Variants in DRC4 observed in about 807,000 individuals in gnomAD.
DRC4 encodes the protein GAS-11.
the DRC4 span, chr16:90,040,527 T>C: frequency 6.3e-7 from 1 of 1,576,702 alleles, no homozygotes; most frequent in Non-Finnish European, 8.6e-7. Flanking sequence ...CTAGACAGGC[T>C]CCTGACCCCA....
the DRC4 span, chr16:90,040,640 T>G: frequency 1.4e-6 from 1 of 691,342 alleles, no homozygotes; most frequent in Non-Finnish European, 2.3e-6. Context: ...CATTCATGGG[T>G]TTCCTGTGGC....
the DRC4 span, chr16:90,036,284 A>G: frequency 9.4e-7 from 1 of 1,064,050 alleles, no homozygotes; most frequent in Non-Finnish European, 1.4e-6. Flanking sequence ...TTCTGACCAC[A>G]GTGGGCGTTT....
the DRC4 span, among the ~76,000 whole-genome samples, chr16:90,026,115 T>G: frequency 6.6e-6 from 1 of 151,896 alleles, no homozygotes; most frequent in Non-Finnish European, 1.5e-5. Context: ...AGCAAGACTT[T>G]GTCTTTAAAA....
the DRC4 span, chr16:90,044,587 A>G: frequency 2.1e-6 from 1 of 471,098 alleles, no homozygotes. Context: ...GCCTGCCTTC[A>G]TCTGGTCCAG....
the DRC4 span, chr16:90,032,641 T>C: frequency 2.9e-5 from 40 of 1,363,094 alleles, no homozygotes; most frequent in Non-Finnish European, 4.0e-5. Flanking sequence ...GTGCTATGGG[T>C]GACCAGGTGT....
the DRC4 span, among the ~76,000 whole-genome samples, chr16:90,021,202 T>C: frequency 6.6e-6 from 1 of 152,242 alleles, no homozygotes; most frequent in Non-Finnish European, 1.5e-5. Flanking sequence ...CTCATCACAG[T>C]GGTTCTCAGA....
At chr16:90,035,617 G>T in the DRC4 span, 2 of 1,614,138 alleles carry the variant, frequency 1.2e-6, no homozygotes, top group Non-Finnish European at 1.7e-6. Flanking sequence ...AGTAATGGCC[G>T]CTTCTCCCTG....
At chr16:90,041,454 A>G in the DRC4 span, among the ~76,000 whole-genome samples, 1 of 152,146 alleles carries the variant, frequency 6.6e-6, no homozygotes, top group Non-Finnish European at 1.5e-5. Context: ...ACGTGGTGAG[A>G]CCCTTGCCCA....
the DRC4 span, among the ~76,000 whole-genome samples, chr16:90,039,358 GTTATTTAT>G: frequency 8.3e-3 from 1,212 of 146,430 alleles, 11 homozygotes; most frequent in African/African-American, 0.021. Flanking sequence ...GACCAAGGCA[GTTATTTAT>G]TTATTTATTT....
chr16:90,024,922 G>T, the DRC4 span, among the ~76,000 whole-genome samples: 1 of 151,978 alleles, frequency 6.6e-6, no homozygotes, highest in Non-Finnish European at 1.5e-5. Flanking sequence ...ATGGGCCTTG[G>T]TCTGTTGGAT....
the DRC4 span, chr16:90,037,367 G>T: frequency 6.2e-7 from 1 of 1,613,718 alleles, no homozygotes; most frequent in Non-Finnish European, 8.5e-7. Flanking sequence ...GAAACAGCTC[G>T]CAAACTACGA....
At chr16:90,033,398 TCA>T in the DRC4 span, among the ~76,000 whole-genome samples, 5,259 of 152,292 alleles carry the variant, frequency 0.035, 313 homozygotes, top group African/African-American at 0.12. Context: ...GTTCAGTGGC[TCA>T]CACCCAAAAT....
the DRC4 span, among the ~76,000 whole-genome samples, chr16:90,030,925 C>G: frequency 6.6e-6 from 1 of 152,164 alleles, no homozygotes; most frequent in African/African-American, 2.4e-5. Flanking sequence ...GCTTATTTCC[C>G]TGTTTAAACT....
At chr16:90,032,435 T>A in the DRC4 span, among the ~76,000 whole-genome samples, 2 of 147,296 alleles carry the variant, frequency 1.4e-5, no homozygotes, top group African/African-American at 5.1e-5. Flanking sequence ...GGTGACCAGG[T>A]GTGTACAGGT....
At chr16:90,041,982 G>T in the DRC4 span, among the ~76,000 whole-genome samples, 2 of 152,046 alleles carry the variant, frequency 1.3e-5, no homozygotes, top group African/African-American at 4.8e-5. Context: ...CTGTCACCCA[G>T]ACTGGAGTGC....
the DRC4 span, chr16:90,043,283 A>G: frequency 6.2e-7 from 1 of 1,613,326 alleles, no homozygotes; most frequent in African/African-American, 1.3e-5. Flanking sequence ...GCCCTTGGAA[A>G]CAGCTGTGAT....
the DRC4 span, chr16:90,037,721 C>T: frequency 7.2e-5 from 114 of 1,573,150 alleles, no homozygotes; most frequent in African/African-American, 1.4e-3. Flanking sequence ...GACTGTGAAT[C>T]TTGAATACTT....
the DRC4 span, chr16:90,037,805 A>G: frequency 6.2e-7 from 1 of 1,614,192 alleles, no homozygotes; most frequent in Non-Finnish European, 8.5e-7. Context: ...GAGCTGAAAG[A>G]CCTGCAGTGG....
At chr16:90,044,011 A>G in the DRC4 span, 1 of 427,708 alleles carries the variant, frequency 2.3e-6, no homozygotes, top group African/African-American at 2.1e-5. Flanking sequence ...AGGCCAGGAG[A>G]GAGTATAAGG....
Sources: gnomAD v4.1 joint callset for allele counts (sites outside exome capture counted in the v4.1 genomes callset) on GRCh38, gnomAD v4.1.1 for gene constraint, MANE v1.5 for transcripts, NCBI Gene and HGNC (gene_info 2026-07-23, HGNC 2026-07-21) for gene names.